FRMD4B: variants seen among roughly 807,000 people sequenced by gnomAD.
The protein encoded by FRMD4B is FERM domain containing 4B, also known as FERM domain-containing protein 4B.
FRMD4B carries 74 observed loss-of-function variants against 141.5 expected under a neutral mutation model. The observed-to-expected ratio is 0.52, with a 90% CI of 0.43 to 0.63. The LOEUF is 0.63. Ranked by LOEUF, FRMD4B falls within the 30% of genes least tolerant of loss-of-function variation. The pLI is 0.00. For synonymous variants in FRMD4B, 506 were observed against 467.9 expected (o/e 1.08, Z -1.05); for missense variants, 1,366 against 1,253.4 (o/e 1.09, Z -1.36).
At chr3:69,195,879 C>T (rs748077954) in intron 14 of FRMD4B, among the ~76,000 whole-genome samples, 6 of 152,146 alleles carry the variant, frequency 3.9e-5, no homozygotes, top group Non-Finnish European at 8.8e-5. Context: ...GGGGAAGCTA[C>T]CACATTTGAG....
At chr3:69,295,101 G>A (rs1700995915) in intron 4 of FRMD4B, among the ~76,000 whole-genome samples, 1 of 152,142 alleles carries the variant, frequency 6.6e-6, no homozygotes. Flanking sequence ...TTAGCTGTTA[G>A]CACTTGTAAT....
intron 17 of FRMD4B, among the ~76,000 whole-genome samples, chr3:69,191,289 G>A (rs1397758903): frequency 6.6e-6 from 1 of 152,116 alleles, no homozygotes; most frequent in African/African-American, 2.4e-5. Flanking sequence ...GCATGGTGGT[G>A]TATGCCTGTA....
intron 1 of FRMD4B, among the ~76,000 whole-genome samples, chr3:69,477,339 G>T (rs906997923): frequency 1.2e-4 from 17 of 143,046 alleles, no homozygotes; most frequent in Middle Eastern, 3.6e-3. Context: ...TTGGCTGTGG[G>T]TTTGTCATAG....
At chr3:69,340,880 A>G (rs949112989) in intron 1 of FRMD4B, among the ~76,000 whole-genome samples, 1 of 152,216 alleles carries the variant, frequency 6.6e-6, no homozygotes, top group South Asian at 2.1e-4. Flanking sequence ...CTCTATGCTC[A>G]GCTTATAGCA....
In FRMD4B at chr3:69,181,256, G is replaced by C. The variant is rs199706552; in HGVS notation, c.2494C>G (p.Gln832Glu). 4,391 of 1,612,986 alleles carry C rather than the reference G, an allele frequency of 2.7e-3. 18 individuals are homozygous for C. The highest frequency in any genetic ancestry group is 0.016 in the Middle Eastern group (94 of 6,060). Residue 832 changes from glutamine to glutamate, a missense_variant, in exon 21 of 23, where the codon CAG becomes GAG. Gln to Glu is a conservative substitution (Grantham distance 29, BLOSUM62 2). Transcript: ENST00000398540. ...CGGTAGGAAGGGTTGACACTATACTGTCCCTCGGTGTCATTCTCATAGACA... is the reference window on the plus strand; with the variant it reads ...CGGTAGGAAGGGTTGACACTATACTCTCCCTCGGTGTCATTCTCATAGACA... The part of the protein sequence containing the change: ...GYVYENDTEG[Q>E]YSVNPSYRSS...
chr3:69,176,576 A>G lies in FRMD4B; in HGVS notation c.2932T>C (p.Ser978Pro). 6.2e-7 allele frequency: 1 copy of G among 1,611,354 alleles called. No homozygotes were observed. Among genetic ancestry groups the G allele is most frequent in the Admixed American group, 1.7e-5 (1 of 60,006 alleles). The change falls in exon 22 of 23, where the codon TCT (serine) becomes CCT (proline). Residue 978 changes from serine to proline, a missense_variant. Transcript: ENST00000398540. ...LSDYETPAHS[S>P]YTSCYGNVYN... ...ACATTGCCATAGCAGCTGGTGTAAG[A>G]AGAATGTGCTGGAGTCTCGTAATCC...
chr3:69,470,013 T>C (rs1465412197), intron 1 of FRMD4B, among the ~76,000 whole-genome samples: 1 of 152,188 alleles, frequency 6.6e-6, no homozygotes. Context: ...CAGAGGTTTG[T>C]TGAAATACAC....
intron 1 of FRMD4B, among the ~76,000 whole-genome samples, chr3:69,485,169 A>G (rs1431719712): frequency 6.6e-6 from 1 of 152,182 alleles, no homozygotes; most frequent in African/African-American, 2.4e-5. Flanking sequence ...GCATGTCAGC[A>G]CTGCTCTGTG....
intron 2 of FRMD4B, among the ~76,000 whole-genome samples, chr3:69,395,973 A>G (rs1199002447): frequency 6.6e-6 from 1 of 152,210 alleles, no homozygotes; most frequent in East Asian, 1.9e-4. Flanking sequence ...TCCTCACCCT[A>G]AAACAGTTCC....
chr3:69,237,035 T>G (rs1033106870), intron 7 of FRMD4B, among the ~76,000 whole-genome samples: 35 of 152,190 alleles, frequency 2.3e-4, no homozygotes, highest in African/African-American at 8.2e-4. Context: ...GTGAATTCAT[T>G]TGGTCCAACC....
intron 1 of FRMD4B, among the ~76,000 whole-genome samples, chr3:69,512,334 A>G (rs1706703242): frequency 6.6e-6 from 1 of 152,186 alleles, no homozygotes; most frequent in Non-Finnish European, 1.5e-5. Context: ...GAAAGCCAAC[A>G]CTTTCTTGGG....
intron 2 of FRMD4B, among the ~76,000 whole-genome samples, chr3:69,425,070 A>G (rs1705054181): frequency 6.6e-6 from 1 of 152,172 alleles, no homozygotes; most frequent in African/African-American, 2.4e-5. Context: ...GTGATGTGCT[A>G]TTAGTGTTTT....
intron 5 of FRMD4B, among the ~76,000 whole-genome samples, chr3:69,262,632 T>A (rs1331349920): frequency 6.6e-6 from 1 of 151,166 alleles, no homozygotes; most frequent in Non-Finnish European, 1.5e-5. Flanking sequence ...GCTAATTTTG[T>A]ATTTTTAGTA....
intron 3 of FRMD4B, among the ~76,000 whole-genome samples, chr3:69,305,196 A>G (rs770167396): frequency 1.8e-4 from 28 of 152,188 alleles, no homozygotes; most frequent in Admixed American, 1.4e-3. Context: ...GGAGAAAATG[A>G]GACTAGAGGG....
At chr3:69,414,793 A>AAT in intron 2 of FRMD4B, among the ~76,000 whole-genome samples, 1 of 149,274 alleles carries the variant, frequency 6.7e-6, no homozygotes, top group African/African-American at 2.5e-5. Context: ...TCCTCCAGGG[A>AAT]CTCCCATGAG....
intron 11 of FRMD4B, among the ~76,000 whole-genome samples, chr3:69,211,304 G>A (rs1450130099): frequency 6.6e-6 from 1 of 152,116 alleles, no homozygotes; most frequent in African/African-American, 2.4e-5. Context: ...CATGCTCAAG[G>A]TGGCACAGTA....
chr3:69,380,157 G>A (rs980208638), intron 1 of FRMD4B, among the ~76,000 whole-genome samples: 5 of 152,140 alleles, frequency 3.3e-5, no homozygotes, highest in Non-Finnish European at 7.3e-5. Flanking sequence ...GACCCTAGTG[G>A]GAGATGGCTG....
chr3:69,414,109 T>A (rs975199433), intron 2 of FRMD4B, among the ~76,000 whole-genome samples: 1 of 152,160 alleles, frequency 6.6e-6, no homozygotes, highest in African/African-American at 2.4e-5. Flanking sequence ...GAAAATATCA[T>A]ACAGCTGCAT....
At chr3:69,295,271 TG>T (rs979827827) in intron 4 of FRMD4B, among the ~76,000 whole-genome samples, 3 of 151,820 alleles carry the variant, frequency 2.0e-5, no homozygotes, top group African/African-American at 7.3e-5. Flanking sequence ...AATGTTTGGG[TG>T]GGGGTGTTTA....
Sources: gnomAD v4.1 joint callset for allele counts (sites outside exome capture counted in the v4.1 genomes callset) on GRCh38, gnomAD v4.1.1 for gene constraint, MANE v1.5 for transcripts, NCBI Gene and HGNC (gene_info 2026-07-23, HGNC 2026-07-21) for gene names.